The following UBN1 variants were observed in gnomAD, a reference collection of about 807,000 sequenced individuals.
UBN1 encodes ubinuclein-1.
A neutral mutation model predicts 108.5 loss-of-function variants in UBN1; 17 were observed. The ratio of observed to expected loss-of-function variants is 0.16; its 90% CI spans 0.11 to 0.24. The LOEUF (loss-of-function observed/expected upper bound fraction) is 0.24. Among genes scored for constraint, UBN1 ranks in the 10% least tolerant of loss-of-function variants. UBN1 has a pLI of 1.00. For synonymous variants in UBN1, 726 were observed against 564.2 expected, an observed-to-expected ratio of 1.29 and a Z score of -4.07; for missense variants, 1,595 against 1,394.4, an observed-to-expected ratio of 1.14 and a Z score of -2.29.
At position 4,877,025 on chromosome 16, in the gene UBN1, C is replaced by T. The variant is rs748080695; in HGVS notation, c.3179C>T (p.Ala1060Val). The stretch of plus-strand genomic sequence containing the variant: ...CCTGTCCATGTGCTCTCCTTCAGCG[C>T]TGACTCCTCTGCCAAAGCAGGGGTC... ...PIPVHVLSFS[A>V]DSSAKAGVSK... The change falls in exon 16 of 18, where the codon GCT (alanine) becomes GTT (valine). Residue 1060 changes from alanine (A) to valine (V), a missense_variant. Transcript: ENST00000262376. This position sits in a 1 kb window ranked among gnomAD's most constrained non-coding sequence, Gnocchi z 4.3. 6.2e-7 allele frequency: 1 copy of T among 1,614,246 alleles called. No individual in the cohort carries two copies. Among genetic ancestry groups the T allele is most frequent in the African/African-American group, 1.3e-5 (1 of 75,070 alleles).
In UBN1 at chr16:4,872,902, C is replaced by T; in HGVS notation, c.1725C>T (p.Ser575=). 8.1e-6 allele frequency: 13 copies of T among 1,614,194 alleles called. No individual in the cohort carries two copies. The highest frequency in any genetic ancestry group is 1.1e-5 in the Non-Finnish European group (13 of 1,180,028). Residue 575 remains serine, a synonymous_variant, in exon 13 of 18, where the codon AGC becomes AGT. Coordinates refer to ENST00000262376, the MANE Select transcript of UBN1 (RefSeq NM_001079514.3). ...CTTTCAGAACTCTGTTTAAGGAGAG[C>T]AGACGAGGCCATGGGCACCTGACTT... ...WMQARTLFKE[S]RRGHGHLTSI...
At chr16:4,852,496 G>A (rs1354299501) in intron 1 of UBN1, 1 of 155,454 alleles carries the variant, frequency 6.4e-6, no homozygotes, top group Non-Finnish European at 1.4e-5. Context: ...GGAAACTGCT[G>A]GTGATGAAAA....
intron 17 of UBN1, among the ~76,000 whole-genome samples, chr16:4,878,356 C>G (rs537553447): frequency 2.0e-5 from 3 of 152,128 alleles, no homozygotes; most frequent in Non-Finnish European, 4.4e-5. Flanking sequence ...GGAAGCCAGC[C>G]GAGGTAACCC....
intron 1 of UBN1, among the ~76,000 whole-genome samples, chr16:4,850,503 G>C (rs2086507263): frequency 6.6e-6 from 1 of 152,190 alleles, no homozygotes; most frequent in Non-Finnish European, 1.5e-5. Context: ...TAAGCCTTCA[G>C]CTGGGATTTA....
intron 9 of UBN1, 71 bp from the exon 10 acceptor site, chr16:4,870,445 C>T: frequency 2.5e-6 from 4 of 1,610,096 alleles, no homozygotes; most frequent in Non-Finnish European, 3.4e-6. Flanking sequence ...TCCTTGTGAT[C>T]ACCCCATCAT....
Position 4,859,912 on chromosome 16 carries a change from AGAT to A in UBN1, c.618_620del (p.Asp207del). The A allele has an allele frequency of 1.9e-6, 3 of 1,614,200 alleles. No homozygotes were observed. The highest frequency in any genetic ancestry group is 2.5e-6 in the Non-Finnish European group (3 of 1,180,024). On this transcript the variant is annotated inframe_deletion, in exon 6 of 18. Coordinates refer to ENST00000262376, the MANE Select transcript of UBN1 (RefSeq NM_001079514.3). ...GTGAGAAGATAAAGAAGAAGAAAAAAGATGACACTTATGACAAGGAGAAGAAAT... is the reference window on the plus strand; with the variant it reads ...GTGAGAAGATAAAGAAGAAGAAAAAAGACACTTATGACAAGGAGAAGAAAT...
Position 4,877,087 on chromosome 16 carries a change from T to A in UBN1, c.3241T>A (p.Ser1081Thr). The A allele has an allele frequency of 6.2e-7, 1 of 1,612,820 alleles. No homozygotes were observed. The change falls in exon 16 of 18, where the codon TCC becomes ACC. Residue 1081 changes from serine (S) to threonine (T), a missense_variant. Coordinates refer to ENST00000262376, the MANE Select transcript of UBN1 (RefSeq NM_001079514.3). This position sits in a 1 kb window ranked among gnomAD's most constrained non-coding sequence, Gnocchi z 4.3. ...CATCGTCACAGGCCCTGCCCCCGGG[T>A]CCTTCCACCATGGCCTTGGCCACAG... The part of the protein sequence containing the change: ...DAIVTGPAPG[S>T]FHHGLGHSLL...
At chr16:4,854,837 C>T (rs1033698542) in intron 2 of UBN1, among the ~76,000 whole-genome samples, 3 of 152,032 alleles carry the variant, frequency 2.0e-5, no homozygotes, top group Non-Finnish European at 4.4e-5. Context: ...GTTTTCCTGT[C>T]TCAGCCTCTC....
At chr16:4,863,617 C>G (rs1244139804) in intron 7 of UBN1, among the ~76,000 whole-genome samples, 1 of 151,712 alleles carries the variant, frequency 6.6e-6, no homozygotes, top group Non-Finnish European at 1.5e-5. Context: ...CCTAATTTTC[C>G]CCCCCTTTTC....
At chr16:4,872,107 G>A (rs779689415) in intron 12 of UBN1, 424 of 814,104 alleles carry the variant, frequency 5.2e-4, no homozygotes, top group Non-Finnish European at 6.2e-4. Context: ...GTTAGCTGGA[G>A]TGATTTTCTT....
rs144653624 is a variant in UBN1, at chr16:4,858,569, G to T, written c.338G>T (p.Gly113Val). 6.2e-7 allele frequency: 1 copy of T among 1,613,974 alleles called. No homozygotes were observed. The highest frequency in any genetic ancestry group is 2.2e-5 in the East Asian group (1 of 44,884). ...TAATCTATTGCTTTCACATTTTAGGGTGGAAAGAAACGTAGAAAAGACCGA... is the reference window on the plus strand; with the variant it reads ...TAATCTATTGCTTTCACATTTTAGGTTGGAAAGAAACGTAGAAAAGACCGA... The part of the protein sequence containing the change: ...ALARKFEEKY[G>V]GKKRRKDRIQ... The change falls in exon 4 of 18, where the codon GGT becomes GTT. Residue 113 changes from glycine (G) to valine (V), a missense_variant and splice_region_variant. By Grantham distance (109) the Gly-to-Val change is moderately radical (BLOSUM62 -3). Transcript: ENST00000262376.
intron 4 of UBN1, 94 bp downstream of exon 4, chr16:4,858,757 G>T (rs1032238820): frequency 1.3e-5 from 16 of 1,239,342 alleles, no homozygotes; most frequent in Admixed American, 1.9e-5. Context: ...CAGAGCAGTC[G>T]TGCCCTCTTC....
rs774235734 is a variant in UBN1, at chr16:4,874,958, A to C, written c.2548A>C (p.Lys850Gln). 1.2e-6 allele frequency: 2 copies of C among 1,614,186 alleles called. No homozygotes were observed. The highest frequency in any genetic ancestry group is 2.2e-5 in the South Asian group (2 of 91,088). The change falls in exon 15 of 18, where the codon AAA becomes CAA. Residue 850 changes from lysine (K) to glutamine (Q), a missense_variant. This residue lies in a region of UBN1 where 1,398 missense variants were observed against 1,194.7 expected (regional missense o/e 1.17). Transcript: ENST00000262376. ...SLLQLVKTAA[K>Q]GQGFHPSAPA... ...CCTGCAGTTAGTGAAGACAGCGGCC[A>C]AAGGCCAGGGCTTCCATCCCTCTGC...
chr16:4,880,128 T>A lies in UBN1; in HGVS notation c.3401T>A (p.Leu1134Ter). 1 of 1,613,970 alleles carries A rather than the reference T, an allele frequency of 6.2e-7. No individual in the cohort carries two copies. The highest frequency in any genetic ancestry group is 8.5e-7 in the Non-Finnish European group (1 of 1,179,980). Residue 1134 changes from leucine to a stop codon, truncating the protein, a stop_gained, in exon 18 of 18, where the codon TTG (leucine) becomes TAG (stop). Transcript: ENST00000262376. LOFTEE classifies it high-confidence loss of function. ...HGKGPAVPRK[L>*] ...AAAGGGCCTGCTGTACCACGGAAAT[T>A]GTGACCGCTTCAGAGGCAAGGCTTG...
At chr16:4,863,351 T>A (rs997374623) in intron 7 of UBN1, among the ~76,000 whole-genome samples, 1 of 152,152 alleles carries the variant, frequency 6.6e-6, no homozygotes, top group African/African-American at 2.4e-5. Flanking sequence ...TGCATGTGTG[T>A]GCAAATGCTC....
rs1244835133 is a variant in UBN1, at chr16:4,880,199, G to A, written c.*67G>A. ...TCAGAACGTGCAGGTCTCCCAGGATGTACACTCACTGCGCCCTTTCTGCTG... is the reference window on the plus strand; with the variant it reads ...TCAGAACGTGCAGGTCTCCCAGGATATACACTCACTGCGCCCTTTCTGCTG... On this transcript the variant is annotated 3_prime_UTR_variant, in exon 18 of 18. Coordinates refer to ENST00000262376, the MANE Select transcript of UBN1 (RefSeq NM_001079514.3). 2 of 1,534,026 alleles carry A rather than the reference G, an allele frequency of 1.3e-6. No individual in the cohort carries two copies. The highest frequency in any genetic ancestry group is 2.7e-5 in the African/African-American group (2 of 73,252).
rs999469457 is a variant in UBN1, at chr16:4,881,549, C to G, written c.*1417C>G. ...CACATACACCTGTGGGAAAACGGAC[C>G]GCTCTTGGCTCCTGACTCCCAGGGT... On this transcript the variant is annotated 3_prime_UTR_variant, in exon 18 of 18. Coordinates refer to ENST00000262376, the MANE Select transcript of UBN1 (RefSeq NM_001079514.3). 1 of 152,134 alleles carries G rather than the reference C, an allele frequency of 6.6e-6. No individual in the cohort carries two copies. The highest frequency in any genetic ancestry group is 6.6e-5 in the Admixed American group (1 of 15,260). 9.4% of individuals were successfully genotyped at this position (152,134 alleles called of 1,614,324 possible).
chr16:4,857,964 T>C (rs749962026), intron 2 of UBN1, 26 bp from the exon 3 acceptor site: 19 of 1,542,666 alleles, frequency 1.2e-5, no homozygotes, highest in Admixed American at 3.6e-5. Flanking sequence ...TTCTGACTTA[T>C]TTTTTGTGGA....
chr16:4,862,422 C>T (rs930846921), intron 7 of UBN1, among the ~76,000 whole-genome samples: 5 of 152,126 alleles, frequency 3.3e-5, no homozygotes, highest in Non-Finnish European at 7.4e-5. Flanking sequence ...TGAATTGTAC[C>T]ATGTTGGGGT....
Sources: allele counts gnomAD v4.1 joint callset (sites outside exome capture counted in the v4.1 genomes callset), GRCh38; gene constraint gnomAD v4.1.1; regional missense constraint gnomAD v4.1.1; non-coding constraint Gnocchi (gnomAD v3.1); transcripts MANE v1.5; gene names NCBI Gene and HGNC (gene_info 2026-07-23, HGNC 2026-07-21).